Variants in PALLD observed in about 807,000 individuals in gnomAD.
The protein encoded by PALLD is palladin, cytoskeletal associated protein, also known as palladin.
Under a neutral mutation model 123.5 loss-of-function variants are expected in PALLD, and 61 were observed. The ratio of observed to expected loss-of-function variants is 0.49; its 90% CI spans 0.40 to 0.61. PALLD has a LOEUF of 0.61. PALLD is among the 20% of genes least tolerant of loss of function. The pLI is 0.00. For missense variants in PALLD, 1,273 were observed against 1,377.0 expected (o/e 0.92, Z 1.20); for synonymous variants, 465 against 496.4 (o/e 0.94, Z 0.84).
chr4:168,540,229 A>C (rs1251240625), intron 2 of PALLD, among the ~76,000 whole-genome samples: 1 of 152,200 alleles, frequency 6.6e-6, no homozygotes, highest in Non-Finnish European at 1.5e-5. Context: ...TAGTCGTCAT[A>C]GGCGACTACT....
At chr4:168,786,788 A>G (rs1476486943) in intron 10 of PALLD, among the ~76,000 whole-genome samples, 5 of 152,254 alleles carry the variant, frequency 3.3e-5, no homozygotes, top group Admixed American at 6.5e-5. Context: ...TGTCAGCAAC[A>G]AAGAAAAAAA....
chr4:168,654,890 G>A (rs1389573169), intron 2 of PALLD: 2 of 152,194 alleles, frequency 1.3e-5, no homozygotes, highest in Admixed American at 6.5e-5. Flanking sequence ...AACAAGAAAA[G>A]GAGGCAGCAT....
intron 2 of PALLD, among the ~76,000 whole-genome samples, chr4:168,582,475 G>T (rs1366357294): frequency 6.6e-6 from 1 of 151,404 alleles, no homozygotes; most frequent in South Asian, 2.1e-4. Context: ...TTGCCTAATT[G>T]CTCTGGCTAG....
At chr4:168,673,501 C>T (rs1011572208) in intron 3 of PALLD, among the ~76,000 whole-genome samples, 10 of 152,180 alleles carry the variant, frequency 6.6e-5, no homozygotes, top group Non-Finnish European at 1.3e-4. Flanking sequence ...GGGCCGCAGC[C>T]GGGGTATGCC....
chr4:168,881,114 A>G (rs570965888), intron 10 of PALLD, among the ~76,000 whole-genome samples: 4 of 152,264 alleles, frequency 2.6e-5, no homozygotes, highest in Admixed American at 6.5e-5. Flanking sequence ...CATGATGGCC[A>G]GGCTGGTTTC....
intron 2 of PALLD, among the ~76,000 whole-genome samples, chr4:168,583,420 G>A (rs980467768): frequency 3.9e-5 from 6 of 152,104 alleles, no homozygotes; most frequent in Non-Finnish European, 5.9e-5. Flanking sequence ...AGCACATTTC[G>A]ATTCAGCAGG....
intron 17 of PALLD, among the ~76,000 whole-genome samples, chr4:168,921,061 A>G (rs1405021233): frequency 1.3e-5 from 2 of 152,126 alleles, no homozygotes; most frequent in Admixed American, 1.3e-4. Context: ...TCAGGAAGCC[A>G]AAGTTTAAAG....
chr4:168,849,020 G>A (rs931088273), intron 10 of PALLD, among the ~76,000 whole-genome samples: 6 of 152,038 alleles, frequency 3.9e-5, no homozygotes, highest in Admixed American at 1.3e-4. Context: ...AATTTTTTTC[G>A]TTAAAAAATT....
chr4:168,916,273 G>A (rs189876363), intron 17 of PALLD, among the ~76,000 whole-genome samples: 38 of 152,178 alleles, frequency 2.5e-4, no homozygotes, highest in Non-Finnish European at 3.7e-4. Context: ...TTAGCCAGGC[G>A]TGGTGGCGTG....
intron 10 of PALLD, among the ~76,000 whole-genome samples, chr4:168,839,851 G>C (rs926551146): frequency 5.3e-5 from 8 of 152,152 alleles, no homozygotes; most frequent in Non-Finnish European, 2.9e-5. Flanking sequence ...CCCCCAAAGA[G>C]AGCATAAAGT....
chr4:168,506,465 C>T (rs1197385966), intron 1 of PALLD, among the ~76,000 whole-genome samples: 2 of 152,086 alleles, frequency 1.3e-5, no homozygotes, highest in African/African-American at 4.8e-5. Context: ...GAACTGCCCC[C>T]TTCCTACTGG....
At chr4:168,557,267 C>A (rs1398971670) in intron 2 of PALLD, among the ~76,000 whole-genome samples, 1 of 152,144 alleles carries the variant, frequency 6.6e-6, no homozygotes, top group Non-Finnish European at 1.5e-5. Context: ...TGGTCTCAAA[C>A]TCGTGACCTC....
At chr4:168,749,422 AT>A (rs1365544202) in intron 10 of PALLD, among the ~76,000 whole-genome samples, 8 of 144,388 alleles carry the variant, frequency 5.5e-5, no homozygotes, top group African/African-American at 1.8e-4. Context: ...AAAAAAAAAA[AT>A]TGGTCAAGAG....
chr4:168,656,587 C>G (rs927618428), intron 2 of PALLD, among the ~76,000 whole-genome samples: 1 of 152,066 alleles, frequency 6.6e-6, no homozygotes, highest in Non-Finnish European at 1.5e-5. Flanking sequence ...GGACAACTGC[C>G]CATCCTAGTT....
At chr4:168,621,975 C>T (rs552072467) in intron 2 of PALLD, among the ~76,000 whole-genome samples, 2 of 152,070 alleles carry the variant, frequency 1.3e-5, no homozygotes, top group South Asian at 2.1e-4. Flanking sequence ...TTTGTATTTG[C>T]GCCAAAAAGT....
chr4:168,648,444 G>T (rs182169255), intron 2 of PALLD: 3 of 152,168 alleles, frequency 2.0e-5, no homozygotes, highest in African/African-American at 4.8e-5. Context: ...GTCCATATGG[G>T]TATAAATTAA....
intron 10 of PALLD, among the ~76,000 whole-genome samples, chr4:168,745,428 G>T (rs1026339408): frequency 3.8e-4 from 14 of 36,796 alleles, no homozygotes; most frequent in African/African-American, 9.4e-4. Context: ...TGAGATGGGA[G>T]GGGGGGGCAA....
chr4:168,773,177 A>G (rs183653544), intron 10 of PALLD, among the ~76,000 whole-genome samples: 1 of 152,350 alleles, frequency 6.6e-6, no homozygotes, highest in Non-Finnish European at 1.5e-5. Context: ...TGTTTAGAAT[A>G]TAACAATAAC....
chr4:168,815,741 G>A (rs1741805425), intron 10 of PALLD, among the ~76,000 whole-genome samples: 3 of 152,198 alleles, frequency 2.0e-5, no homozygotes, highest in Admixed American at 2.0e-4. Flanking sequence ...CGGTGGACGA[G>A]GGAAGGTACA....
Sources: allele counts gnomAD v4.1 joint callset (sites outside exome capture counted in the v4.1 genomes callset), GRCh38; gene constraint gnomAD v4.1.1; transcripts MANE v1.5; gene names NCBI Gene and HGNC (gene_info 2026-07-23, HGNC 2026-07-21).